The following TENM3 variants were observed in gnomAD, a reference collection of about 807,000 sequenced individuals.
TENM3 encodes the protein teneurin transmembrane protein 3.
In TENM3, 63 loss-of-function variants were observed where a neutral mutation model predicts 255.1. The ratio of observed to expected loss-of-function variants is 0.25; its 90% CI spans 0.20 to 0.30. The LOEUF is 0.30. TENM3 is among the 10% of genes least tolerant of loss of function. TENM3 has a pLI of 1.00. For synonymous variants in TENM3, 1,306 were observed against 1,322.3 expected (o/e 0.99, Z 0.27); for missense variants, 2,929 against 3,461.1 (o/e 0.85, Z 3.86).
At chr4:182,731,163 C>T in intron 16 of TENM3, 24 bp downstream of exon 16, 1 of 1,604,478 alleles carries the variant, frequency 6.2e-7, no homozygotes, top group Non-Finnish European at 8.5e-7. Flanking sequence ...ACAGGCAGTA[C>T]TTGTAAATAC....
chr4:182,084,076 G>T, the TENM3 span, among the ~76,000 whole-genome samples: 2 of 151,952 alleles, frequency 1.3e-5, no homozygotes, highest in African/African-American at 4.8e-5. Context: ...TCTTCTGATG[G>T]AACTATATTG....
chr4:181,811,662 G>A, the TENM3 span, among the ~76,000 whole-genome samples: 1 of 152,194 alleles, frequency 6.6e-6, no homozygotes, highest in Admixed American at 6.5e-5. Context: ...TTACATGGTG[G>A]CAGCCAAGAG....
At chr4:181,807,283 AC>A in the TENM3 span, among the ~76,000 whole-genome samples, 2 of 152,226 alleles carry the variant, frequency 1.3e-5, no homozygotes, top group African/African-American at 2.4e-5. Context: ...GGATAAGTAA[AC>A]AAAAATTAAA....
intron 1 of TENM3, among the ~76,000 whole-genome samples, chr4:182,161,142 C>T (rs1343045744): frequency 7.8e-6 from 1 of 127,756 alleles, no homozygotes; most frequent in Non-Finnish European, 1.7e-5. Flanking sequence ...AGCGGCCGGG[C>T]GCGGTGGCTC....
chr4:181,856,804 C>T, the TENM3 span, among the ~76,000 whole-genome samples: 1 of 152,078 alleles, frequency 6.6e-6, no homozygotes, highest in Non-Finnish European at 1.5e-5. Context: ...CAGAGGAGGT[C>T]GGCACTCAGC....
At chr4:182,394,811 C>T (rs112211670) in intron 3 of TENM3, among the ~76,000 whole-genome samples, 80 of 152,250 alleles carry the variant, frequency 5.3e-4, no homozygotes, top group African/African-American at 1.7e-3. Context: ...TTCAAGTATT[C>T]GCTAATGTGG....
At chr4:181,812,139 G>A in the TENM3 span, among the ~76,000 whole-genome samples, 3 of 152,030 alleles carry the variant, frequency 2.0e-5, no homozygotes, top group Non-Finnish European at 4.4e-5. Context: ...AAATATTTTG[G>A]CTCACTTAAA....
chr4:181,727,239 C>T, the TENM3 span, among the ~76,000 whole-genome samples: 1 of 152,148 alleles, frequency 6.6e-6, no homozygotes, highest in Non-Finnish European at 1.5e-5. Context: ...TCCCCTGGCA[C>T]CCAGCCCCCA....
the TENM3 span, among the ~76,000 whole-genome samples, chr4:181,634,384 CTTTTTT>C: frequency 7.3e-5 from 9 of 123,080 alleles, no homozygotes; most frequent in South Asian, 5.2e-4. Context: ...TTTTTTAATT[CTTTTTT>C]TTTTTTTTTT....
At chr4:181,536,220 A>T in the TENM3 span, among the ~76,000 whole-genome samples, 96 of 152,232 alleles carry the variant, frequency 6.3e-4, no homozygotes, top group African/African-American at 2.1e-3. Context: ...TTAGATGCCC[A>T]TTTTTCCACA....
At chr4:182,680,044 G>A (rs1050469535) in intron 8 of TENM3, among the ~76,000 whole-genome samples, 168 bp downstream of exon 8, 3 of 152,178 alleles carry the variant, frequency 2.0e-5, no homozygotes, top group Non-Finnish European at 4.4e-5. Flanking sequence ...GACAAACTGT[G>A]AAGCACTGGG....
intron 23 of TENM3, 103 bp from the exon 24 acceptor site, chr4:182,774,815 T>C (rs1764543725): frequency 1.3e-6 from 1 of 752,892 alleles, no homozygotes; most frequent in Non-Finnish European, 2.2e-6. Context: ...GTACTCCTTA[T>C]TCCTAGTCAA....
the TENM3 span, among the ~76,000 whole-genome samples, chr4:181,454,848 C>A: frequency 6.6e-6 from 1 of 151,902 alleles, no homozygotes. Flanking sequence ...GTTCTACCTA[C>A]TTTTGTATGG....
At chr4:181,988,390 G>A in the TENM3 span, among the ~76,000 whole-genome samples, 2 of 151,996 alleles carry the variant, frequency 1.3e-5, no homozygotes, top group Admixed American at 6.6e-5. Flanking sequence ...GTGGTTATTC[G>A]CCCATTTGGG....
At chr4:182,032,844 G>A in the TENM3 span, among the ~76,000 whole-genome samples, 14 of 152,226 alleles carry the variant, frequency 9.2e-5, no homozygotes, top group African/African-American at 2.6e-4. Context: ...GCATAGAGAT[G>A]TTTATAGTAT....
the TENM3 span, among the ~76,000 whole-genome samples, chr4:181,839,490 A>C: frequency 6.8e-6 from 1 of 147,188 alleles, no homozygotes. Context: ...CATTTTATAT[A>C]ATATATAATA....
At chr4:181,736,159 G>A in the TENM3 span, among the ~76,000 whole-genome samples, 5 of 152,052 alleles carry the variant, frequency 3.3e-5, no homozygotes, top group South Asian at 4.1e-4. Context: ...TTAGCCGGGC[G>A]TGGTGGCACG....
intron 1 of TENM3, among the ~76,000 whole-genome samples, chr4:182,231,344 TTAGA>T (rs1199878516): frequency 9.9e-5 from 15 of 152,076 alleles, no homozygotes; most frequent in Non-Finnish European, 1.9e-4. Context: ...GATTGTCAAC[TTAGA>T]TAACCCCAGG....
chr4:181,845,577 C>A, the TENM3 span, among the ~76,000 whole-genome samples: 1 of 152,192 alleles, frequency 6.6e-6, no homozygotes, highest in African/African-American at 2.4e-5. Flanking sequence ...CCCTATCTGG[C>A]ACACTTACTT....
Sources: allele counts gnomAD v4.1 joint callset (sites outside exome capture counted in the v4.1 genomes callset), GRCh38; gene constraint gnomAD v4.1.1; transcripts MANE v1.5; gene names NCBI Gene and HGNC (gene_info 2026-07-23, HGNC 2026-07-21).